The following SPON1 variants were observed in gnomAD, a reference collection of about 807,000 sequenced individuals.
SPON1 encodes the protein spondin 1.
SPON1 carries 52 observed loss-of-function variants against 111.7 expected under a neutral mutation model. That is an observed-to-expected ratio of 0.47 (90% CI 0.37 to 0.59). SPON1 has a LOEUF of 0.59. SPON1 is among the 20% of genes least tolerant of loss of function. SPON1 has a pLI of 0.00. For missense variants in SPON1, 957 were observed against 1,068.5 expected (o/e 0.90, Z 1.46); for synonymous variants, 410 against 395.8 (o/e 1.04, Z -0.43).
At chr11:14,058,035 C>T (rs971654275) in intron 3 of SPON1, among the ~76,000 whole-genome samples, 3 of 151,592 alleles carry the variant, frequency 2.0e-5, no homozygotes, top group African/African-American at 4.8e-5. Flanking sequence ...AAAAAGGACT[C>T]GGCAAAATCA....
chr11:14,059,352 G>T (rs1848771468), intron 3 of SPON1, among the ~76,000 whole-genome samples: 1 of 152,180 alleles, frequency 6.6e-6, no homozygotes, highest in Admixed American at 6.5e-5. Context: ...GTTCGGGATG[G>T]AAACTGAATA....
Position 14,243,459 on chromosome 11 carries a change from C to A in SPON1, c.890+63C>A, listed in dbSNP as rs1226338577. On this transcript the variant is annotated intron_variant, in intron 7 of 15. Coordinates refer to ENST00000576479, the MANE Select transcript of SPON1 (RefSeq NM_006108.4). ...CTAGCCCCTTCTCAAAGCCACCTACCTAATGGCCACCACATACCAGTTATG... is the reference window on the plus strand; with the variant it reads ...CTAGCCCCTTCTCAAAGCCACCTACATAATGGCCACCACATACCAGTTATG... 3.4e-5 allele frequency: 46 copies of A among 1,336,726 alleles called. No individual in the cohort carries two copies. The South Asian group carries it at 4.8e-4, about 14-fold the overall frequency. 82.8% of individuals were successfully genotyped at this position (1,336,726 alleles called of 1,614,324 possible).
At chr11:14,095,011 A>G (rs1337189876) in intron 5 of SPON1, among the ~76,000 whole-genome samples, 5 of 152,228 alleles carry the variant, frequency 3.3e-5, no homozygotes, top group Non-Finnish European at 5.9e-5. Flanking sequence ...GAGAAACATC[A>G]TAGCTGACAA....
intron 5 of SPON1, among the ~76,000 whole-genome samples, chr11:14,121,338 G>A (rs1324111236): frequency 6.6e-6 from 1 of 152,186 alleles, no homozygotes; most frequent in Non-Finnish European, 1.5e-5. Flanking sequence ...GGAAAATAAA[G>A]AAGATAGAGA....
chr11:14,146,706 G>A lies in SPON1; in HGVS notation c.825+11138G>A, dbSNP rs56052623. Among the ~76,000 whole-genome samples, 1,290 of 152,152 alleles carry A rather than the reference G, an allele frequency of 8.5e-3. 13 individuals are homozygous for A. The highest frequency in any genetic ancestry group is 0.029 in the African/African-American group (1,198 of 41,496). Reference sequence around the variant, plus strand: ...GACTGGCTAAACCAGATATAAAAACGTTATAAAACAACATTAACTAAAACT... The same window carrying A: ...GACTGGCTAAACCAGATATAAAAACATTATAAAACAACATTAACTAAAACT... On this transcript the variant is annotated intron_variant, in intron 6 of 15. Coordinates refer to ENST00000576479, the MANE Select transcript of SPON1 (RefSeq NM_006108.4).
chr11:14,157,246 A>C (rs971585623), intron 6 of SPON1, among the ~76,000 whole-genome samples: 1 of 152,130 alleles, frequency 6.6e-6, no homozygotes, highest in Non-Finnish European at 1.5e-5. Flanking sequence ...TTTGCAGGCA[A>C]AGAATTCTCA....
At chr11:14,134,865 A>C (rs1554927884) in intron 5 of SPON1, 1 of 152,338 alleles carries the variant, frequency 6.6e-6, no homozygotes. Context: ...TTCATGAGCC[A>C]GCTTCTTCCT....
At chr11:14,020,489 A>G (rs1488918788) in intron 2 of SPON1, among the ~76,000 whole-genome samples, 1 of 152,172 alleles carries the variant, frequency 6.6e-6, no homozygotes, top group African/African-American at 2.4e-5. Context: ...ATTAATCCAA[A>G]ATTTGTATTA....
At chr11:14,213,160 C>T (rs1554936873) in intron 6 of SPON1, among the ~76,000 whole-genome samples, 1 of 152,106 alleles carries the variant, frequency 6.6e-6, no homozygotes, top group Admixed American at 6.6e-5. Context: ...TTCAATGGGA[C>T]AACAAAATGA....
chr11:14,056,932 A>C lies in SPON1; in HGVS notation c.479+15278A>C, dbSNP rs1013904599. ...AATCAATTAAATAAAATATAACATC[A>C]AGACAGGAGGAAGATCTAAAGCATG... On this transcript the variant is annotated intron_variant, in intron 3 of 15. Coordinates refer to ENST00000576479, the MANE Select transcript of SPON1 (RefSeq NM_006108.4). Among the ~76,000 whole-genome samples the C allele has an allele frequency of 2.6e-5, 4 of 152,162 alleles. No individual in the cohort carries two copies. In the East Asian group the frequency reaches 7.7e-4, roughly 29 times the overall value.
At chr11:14,131,814 A>G (rs1554927535) in intron 5 of SPON1, among the ~76,000 whole-genome samples, 2 of 152,144 alleles carry the variant, frequency 1.3e-5, no homozygotes, top group Admixed American at 6.5e-5. Context: ...ACCATTTTGC[A>G]CCTGAATGAC....
intron 6 of SPON1, among the ~76,000 whole-genome samples, chr11:14,162,814 C>T (rs1320906426): frequency 1.3e-5 from 2 of 152,166 alleles, no homozygotes; most frequent in East Asian, 3.8e-4. Flanking sequence ...GAAGCAGAAG[C>T]GTGCTGCCAC....
intron 5 of SPON1, among the ~76,000 whole-genome samples, chr11:14,100,677 A>G (rs1554924308): frequency 6.6e-6 from 1 of 151,964 alleles, no homozygotes; most frequent in African/African-American, 2.4e-5. Context: ...GTTTTTCTCT[A>G]GTCTTTGCTT....
At chr11:14,165,532 A>G (rs1194683451) in intron 6 of SPON1, among the ~76,000 whole-genome samples, 2 of 152,180 alleles carry the variant, frequency 1.3e-5, no homozygotes, top group East Asian at 3.8e-4. Flanking sequence ...ACAGTGTTTA[A>G]AGTGACCAGC....
At chr11:14,036,781 T>C (rs374115583) in intron 2 of SPON1, among the ~76,000 whole-genome samples, 1 of 150,814 alleles carries the variant, frequency 6.6e-6, no homozygotes, top group South Asian at 2.1e-4. Flanking sequence ...GGAAGATGAG[T>C]AGCCAAAGAA....
intron 2 of SPON1, among the ~76,000 whole-genome samples, chr11:14,039,509 A>T (rs894966845): frequency 1.3e-5 from 2 of 152,162 alleles, no homozygotes; most frequent in African/African-American, 4.8e-5. Flanking sequence ...TGAACCTAAA[A>T]GTGCTCTAAG....
At chr11:14,185,398 C>A (rs1035301221) in intron 6 of SPON1, among the ~76,000 whole-genome samples, 2 of 152,152 alleles carry the variant, frequency 1.3e-5, no homozygotes, top group Non-Finnish European at 2.9e-5. Context: ...ATGTGCCCCC[C>A]GCTCCTTTCT....
chr11:13,976,408 G>A (rs148155011), intron 1 of SPON1, among the ~76,000 whole-genome samples: 1 of 152,204 alleles, frequency 6.6e-6, no homozygotes, highest in Non-Finnish European at 1.5e-5. Context: ...GTTGTATAAT[G>A]AGGTTCTCTG....
At chr11:14,101,835 G>C (rs1444546678) in intron 5 of SPON1, among the ~76,000 whole-genome samples, 2 of 152,052 alleles carry the variant, frequency 1.3e-5, no homozygotes, top group Non-Finnish European at 2.9e-5. Context: ...ACTGTTGTGG[G>C]GGTTTTATTA....
Sources: gnomAD v4.1 joint callset for allele counts (sites outside exome capture counted in the v4.1 genomes callset) on GRCh38, gnomAD v4.1.1 for gene constraint, MANE v1.5 for transcripts, NCBI Gene and HGNC (gene_info 2026-07-23, HGNC 2026-07-21) for gene names.